CACNA2D3: variants seen among roughly 807,000 people sequenced by gnomAD.
CACNA2D3 encodes voltage-dependent calcium channel subunit alpha-2/delta-3.
CACNA2D3 carries 60 observed loss-of-function variants against 160.6 expected under a neutral mutation model. The ratio of observed to expected loss-of-function variants is 0.37; its 90% CI spans 0.30 to 0.46. CACNA2D3 has a LOEUF of 0.46. Ranked by LOEUF, CACNA2D3 falls within the 20% of genes least tolerant of loss-of-function variation. CACNA2D3 has a pLI of 1.00. For missense variants in CACNA2D3, 1,205 were observed against 1,365.0 expected, an observed-to-expected ratio of 0.88 and a Z score of 1.85; for synonymous variants, 558 against 492.9, an observed-to-expected ratio of 1.13 and a Z score of -1.75.
At chr3:54,481,648 C>T (rs969153859) in intron 4 of CACNA2D3, among the ~76,000 whole-genome samples, 2 of 152,232 alleles carry the variant, frequency 1.3e-5, no homozygotes, top group African/African-American at 4.8e-5. Flanking sequence ...AGCTAATAGA[C>T]ATTCTCATTT....
chr3:54,746,086 A>G (rs1701748626), intron 11 of CACNA2D3, among the ~76,000 whole-genome samples: 2 of 152,198 alleles, frequency 1.3e-5, no homozygotes. Context: ...TTATAGATTA[A>G]AGCAGCCTGC....
At chr3:54,306,750 G>A (rs1343484333) in intron 2 of CACNA2D3, among the ~76,000 whole-genome samples, 2 of 152,204 alleles carry the variant, frequency 1.3e-5, no homozygotes, top group Non-Finnish European at 2.9e-5. Context: ...GTGGTGCCTG[G>A]AAGCAGCCTG....
At chr3:54,750,920 C>T (rs1701844309) in intron 11 of CACNA2D3, among the ~76,000 whole-genome samples, 1 of 151,958 alleles carries the variant, frequency 6.6e-6, no homozygotes, top group South Asian at 2.1e-4. Context: ...CAGATGCATG[C>T]CACCATGCAC....
intron 12 of CACNA2D3, among the ~76,000 whole-genome samples, chr3:54,760,086 G>A (rs545932526): frequency 9.2e-5 from 14 of 152,268 alleles, no homozygotes; most frequent in Admixed American, 9.2e-4. Context: ...CAACAAGGTG[G>A]GGATTTTTGA....
chr3:54,606,446 T>C (rs954209404), intron 9 of CACNA2D3, among the ~76,000 whole-genome samples: 1 of 150,656 alleles, frequency 6.6e-6, no homozygotes, highest in Non-Finnish European at 1.5e-5. Flanking sequence ...AGGGTGAGAG[T>C]GGTGGAGTGG....
intron 4 of CACNA2D3, among the ~76,000 whole-genome samples, chr3:54,489,086 T>C (rs6792011): frequency 0.99 from 151,038 of 152,300 alleles, 74,906 homozygotes; most frequent in Middle Eastern, 1. Flanking sequence ...GAGGGAGCAG[T>C]GGGGAGGTGG....
At chr3:54,868,852 T>G (rs890471967) in intron 17 of CACNA2D3, among the ~76,000 whole-genome samples, 7 of 152,254 alleles carry the variant, frequency 4.6e-5, no homozygotes, top group African/African-American at 7.2e-5. Context: ...TTCCACAAAA[T>G]GCATGACTCT....
chr3:54,865,831 G>T (rs777947843), intron 17 of CACNA2D3, among the ~76,000 whole-genome samples: 2 of 152,196 alleles, frequency 1.3e-5, no homozygotes, highest in Non-Finnish European at 2.9e-5. Flanking sequence ...GATGTGCTGG[G>T]CTCCTTGCTA....
intron 9 of CACNA2D3, among the ~76,000 whole-genome samples, chr3:54,601,630 C>T (rs1343844451): frequency 1.3e-5 from 2 of 151,976 alleles, no homozygotes; most frequent in Admixed American, 6.6e-5. Flanking sequence ...GCAGTCTGTC[C>T]ACCGACATAG....
intron 24 of CACNA2D3, among the ~76,000 whole-genome samples, chr3:54,888,742 A>G (rs1286874003): frequency 2.1e-5 from 3 of 146,334 alleles, no homozygotes; most frequent in African/African-American, 8.3e-5. Context: ...CCATTTTTCT[A>G]TTCAATAGTT....
intron 11 of CACNA2D3, among the ~76,000 whole-genome samples, chr3:54,705,990 C>T (rs1450241915): frequency 6.6e-6 from 1 of 152,202 alleles, no homozygotes; most frequent in Non-Finnish European, 1.5e-5. Context: ...GTTCCGGCTT[C>T]TGTGCTCCTT....
chr3:54,557,533 T>C (rs1702259231), intron 5 of CACNA2D3, among the ~76,000 whole-genome samples: 1 of 152,332 alleles, frequency 6.6e-6, no homozygotes, highest in African/African-American at 2.4e-5. Context: ...ACTGTTTGAC[T>C]CCTTAACATG....
chr3:54,370,530 G>C (rs564296137), intron 3 of CACNA2D3, among the ~76,000 whole-genome samples: 1 of 152,072 alleles, frequency 6.6e-6, no homozygotes, highest in African/African-American at 2.4e-5. Flanking sequence ...CCTGGTGAGC[G>C]GATGAGAACT....
intron 5 of CACNA2D3, among the ~76,000 whole-genome samples, chr3:54,524,122 T>TTTTTTTTTTTTTTTTTG (rs1701688855): frequency 6.6e-6 from 1 of 152,126 alleles, no homozygotes; most frequent in Non-Finnish European, 1.5e-5. Flanking sequence ...TATTCTTTCT[T>TTTTTTTTTTTTTTTTTG]AATAGAGGCA....
At position 54,822,787 on chromosome 3, in the gene CACNA2D3, TTTCC is replaced by T. The variant is rs750562346; in HGVS notation, c.1398+5920_1398+5923del. 8.8e-3 allele frequency among the ~76,000 whole-genome samples: 624 copies of T among 70,524 alleles called. 8 individuals carry two copies. Among genetic ancestry groups the T allele is most frequent in the Middle Eastern group, 0.017 (2 of 116 alleles). The allele number at this position is 70,524 out of a possible 152,430, so 46.3% of individuals were successfully genotyped here. A position where few individuals can be genotyped will look rare whatever the true frequency, so the allele number is the denominator to read the frequency against. ...CTTTCTTTCTTTCTTTCTTTCTTTCTTTCCTTTCTTTCTTTCTTTCTTTCTTTCT... is the reference window on the plus strand; with the variant it reads ...CTTTCTTTCTTTCTTTCTTTCTTTCTTTTCTTTCTTTCTTTCTTTCTTTCT... On this transcript the variant is annotated intron_variant, in intron 14 of 37. Coordinates refer to ENST00000474759, the MANE Select transcript of CACNA2D3 (RefSeq NM_018398.3).
chr3:55,049,105 C>A (rs191807245), intron 35 of CACNA2D3, among the ~76,000 whole-genome samples: 41 of 151,814 alleles, frequency 2.7e-4, no homozygotes, highest in African/African-American at 7.5e-4. Flanking sequence ...TGTTTCCTTC[C>A]GTTCTGCTCT....
At chr3:54,878,729 T>C (rs538194015) in intron 18 of CACNA2D3, 1 of 270,516 alleles carries the variant, frequency 3.7e-6, no homozygotes, top group Non-Finnish European at 6.8e-6. Flanking sequence ...TCAGCGGGTC[T>C]CCAGGAGTTC....
At chr3:54,871,840 C>T (rs1353893060) in intron 18 of CACNA2D3, among the ~76,000 whole-genome samples, 1 of 152,198 alleles carries the variant, frequency 6.6e-6, no homozygotes, top group African/African-American at 2.4e-5. Flanking sequence ...ACCCCAGCTG[C>T]TTGTGCAGTC....
chr3:54,614,125 G>C (rs1187292890), intron 9 of CACNA2D3, among the ~76,000 whole-genome samples: 1 of 152,190 alleles, frequency 6.6e-6, no homozygotes, highest in Admixed American at 6.5e-5. Context: ...AATGAATGCT[G>C]CAAGGATATT....
Sources: allele counts gnomAD v4.1 joint callset (sites outside exome capture counted in the v4.1 genomes callset), GRCh38; gene constraint gnomAD v4.1.1; transcripts MANE v1.5; gene names NCBI Gene and HGNC (gene_info 2026-07-23, HGNC 2026-07-21).